The following TPCN1 variants were observed in gnomAD, a reference collection of about 807,000 sequenced individuals.
TPCN1 encodes two pore channel protein 1.
A neutral mutation model predicts 108.8 loss-of-function variants in TPCN1; 52 were observed. That is an observed-to-expected ratio of 0.48 (90% CI 0.38 to 0.60). The LOEUF (loss-of-function observed/expected upper bound fraction) is 0.60. Among genes scored for constraint, TPCN1 ranks in the 20% least tolerant of loss-of-function variants. TPCN1 has a pLI of 0.00. For missense variants in TPCN1, 806 were observed against 1,072.8 expected, an observed-to-expected ratio of 0.75 and a Z score of 3.47; for synonymous variants, 446 against 433.7, an observed-to-expected ratio of 1.03 and a Z score of -0.35.
At chr12:113,234,904 A>G (rs527392678) in intron 2 of TPCN1, among the ~76,000 whole-genome samples, 1 of 152,300 alleles carries the variant, frequency 6.6e-6, no homozygotes, top group South Asian at 2.1e-4. Context: ...CAACCAATTC[A>G]TATATGTCTT....
chr12:113,246,351 A>G (rs1954383026), intron 2 of TPCN1, among the ~76,000 whole-genome samples: 1 of 152,246 alleles, frequency 6.6e-6, no homozygotes, highest in Admixed American at 6.5e-5. Context: ...CTGTCTGCCC[A>G]GGGCACCAGA....
At chr12:113,293,391 T>G in intron 27 of TPCN1, 42 bp downstream of exon 27, 1 of 1,587,886 alleles carries the variant, frequency 6.3e-7, no homozygotes, top group Non-Finnish European at 8.6e-7. Flanking sequence ...TCCCCCAAGC[T>G]ATGTCCTGGG....
chr12:113,286,121 C>T (rs965581339), intron 18 of TPCN1, among the ~76,000 whole-genome samples, 160 bp downstream of exon 18: 1 of 152,176 alleles, frequency 6.6e-6, no homozygotes, highest in Non-Finnish European at 1.5e-5. Context: ...CTGCCCACAG[C>T]CCAGGAACTC....
In TPCN1 at chr12:113,290,252, GA is replaced by G; in HGVS notation, c.1912+14del. 1 of 1,564,136 alleles carries G rather than the reference GA, an allele frequency of 6.4e-7. No homozygotes were observed. Among genetic ancestry groups the G allele is most frequent in the Non-Finnish European group, 8.7e-7 (1 of 1,145,680 alleles). Reference sequence around the variant, plus strand: ...CATCCTCAACAGCTTTGGTGAGTGGGAAAAATCACAGGGGGCACATTCCCTG... The same window carrying G: ...CATCCTCAACAGCTTTGGTGAGTGGGAAAATCACAGGGGGCACATTCCCTG... On this transcript the variant is annotated intron_variant, in intron 22 of 27. Transcript: ENST00000335509.
Position 113,284,709 on chromosome 12 carries a change from G to GTCT in TPCN1, c.1400-7_1400-5dup, listed in dbSNP as rs1311530582. The GTCT allele has an allele frequency of 1.9e-6, 3 of 1,614,226 alleles. No individual in the cohort carries two copies. The highest frequency in any genetic ancestry group is 2.5e-6 in the Non-Finnish European group (3 of 1,180,032). Reference sequence around the variant, plus strand: ...CTTACCTGTGAGCTGCTACTTCTCTGTCTTACAGGTGGGAACTTCTTCTCC... The same window carrying GTCT: ...CTTACCTGTGAGCTGCTACTTCTCTGTCTTCTTACAGGTGGGAACTTCTTCTCC... On this transcript the variant is annotated splice_polypyrimidine_tract_variant and intron_variant, in intron 16 of 27. Transcript: ENST00000335509. This position sits in a 1 kb window ranked among gnomAD's most constrained non-coding sequence, Gnocchi z 4.1.
chr12:113,265,217 G>C (rs1400116352), intron 3 of TPCN1, among the ~76,000 whole-genome samples: 3 of 152,194 alleles, frequency 2.0e-5, no homozygotes, highest in Non-Finnish European at 4.4e-5. Flanking sequence ...TACGATAATA[G>C]CAAATACCTG....
At chr12:113,222,115 C>A (rs1566126254) in intron 1 of TPCN1, among the ~76,000 whole-genome samples, 1 of 152,158 alleles carries the variant, frequency 6.6e-6, no homozygotes, top group Admixed American at 6.5e-5. Flanking sequence ...ACGCAGGAGT[C>A]CCGGGTTCTA....
intron 4 of TPCN1, among the ~76,000 whole-genome samples, chr12:113,267,079 T>C (rs1007267750): frequency 3.9e-5 from 6 of 152,128 alleles, no homozygotes; most frequent in African/African-American, 7.2e-5. Context: ...TCCTGCCCAC[T>C]GGAATGTCCA....
At position 113,296,052 on chromosome 12, in the gene TPCN1, C is replaced by G; in HGVS notation, c.2427C>G (p.Arg809=). The change falls in exon 28 of 28, where the codon CGC becomes CGG. Residue 809 remains arginine (R), a synonymous_variant. Coordinates refer to ENST00000335509, the MANE Select transcript of TPCN1 (RefSeq NM_017901.6). Reference sequence around the variant, plus strand: ...CCGCCCAGCAGCCCCCAGGCAGCCGCCAGCGCTCCCAGACCGTTACCTAGC... The same window carrying G: ...CCGCCCAGCAGCCCCCAGGCAGCCGGCAGCGCTCCCAGACCGTTACCTAGC... The part of the protein sequence containing the change: ...APAAQQPPGS[R]QRSQTVT 6.2e-7 allele frequency: 1 copy of G among 1,613,268 alleles called. No homozygotes were observed. The highest frequency in any genetic ancestry group is 1.1e-5 in the South Asian group (1 of 91,040).
chr12:113,279,640 G>A (rs1021808162), intron 14 of TPCN1, among the ~76,000 whole-genome samples: 8 of 151,354 alleles, frequency 5.3e-5, no homozygotes, highest in Non-Finnish European at 7.4e-5. Flanking sequence ...TCCTGACCTC[G>A]TGATCCACCC....
At chr12:113,295,854 G>A (rs530603802) in intron 27 of TPCN1, 106 bp from the exon 28 acceptor site, 144 of 1,297,664 alleles carry the variant, frequency 1.1e-4, no homozygotes, top group Admixed American at 3.8e-4. Flanking sequence ...GAGGCTGGCA[G>A]CCCTGCCCCT....
chr12:113,231,134 G>T lies in TPCN1; in HGVS notation c.112+4170G>T, dbSNP rs1210348705. On this transcript the variant is annotated intron_variant, in intron 2 of 27. Transcript: ENST00000335509. The surrounding 1 kb of genome is among the most constrained non-coding windows in gnomAD (Gnocchi z 4.3). The stretch of plus-strand genomic sequence containing the variant: ...TAAGGCTGAGTCACCATCAAGCCTG[G>T]CCTTTGTTTTGGCCCAGCAGCCGCT... Among the ~76,000 whole-genome samples the T allele has an allele frequency of 1.3e-5, 2 of 152,238 alleles. No homozygotes were observed. Among genetic ancestry groups the T allele is most frequent in the Non-Finnish European group, 2.9e-5 (2 of 68,042 alleles).
At chr12:113,267,128 T>C (rs1232605430) in intron 4 of TPCN1, among the ~76,000 whole-genome samples, 2 of 152,186 alleles carry the variant, frequency 1.3e-5, no homozygotes, top group Non-Finnish European at 2.9e-5. Context: ...GGAGGAGCTC[T>C]CCTATGTCTG....
chr12:113,235,067 T>C (rs569472545), intron 2 of TPCN1, among the ~76,000 whole-genome samples: 1 of 152,372 alleles, frequency 6.6e-6, no homozygotes, highest in African/African-American at 2.4e-5. Flanking sequence ...CCCTTGAGGT[T>C]ATCTTCCTCT....
Position 113,297,524 on chromosome 12 carries a change from T to C in TPCN1, c.*1448T>C, listed in dbSNP as rs1177614129. 2 of 152,542 alleles carry C rather than the reference T, an allele frequency of 1.3e-5. No homozygotes were observed. Among genetic ancestry groups the C allele is most frequent in the African/African-American group, 2.4e-5 (1 of 41,386 alleles). The allele number at this position is 152,542 out of a possible 1,614,324, so 9.4% of individuals were successfully genotyped here. ...CACCCGACCCCAGGGGAGCAGTACC[T>C]GGTCCCCCACCCCCTCCTCCCAACC... On this transcript the variant is annotated 3_prime_UTR_variant, in exon 28 of 28. Transcript: ENST00000335509. The surrounding 1 kb of genome is among the most constrained non-coding windows in gnomAD (Gnocchi z 4.4).
chr12:113,278,487 C>T (rs1329708580), intron 13 of TPCN1, among the ~76,000 whole-genome samples: 5 of 152,196 alleles, frequency 3.3e-5, no homozygotes, highest in African/African-American at 9.7e-5. Flanking sequence ...TGACATCAGG[C>T]GGGTTACTGA....
intron 2 of TPCN1, among the ~76,000 whole-genome samples, chr12:113,255,753 C>T (rs764384363): frequency 6.6e-6 from 1 of 151,592 alleles, no homozygotes; most frequent in Non-Finnish European, 1.5e-5. Context: ...TGGTCTCGAA[C>T]TCCTAAGCTC....
chr12:113,226,473 G>A (rs988539791), intron 1 of TPCN1, among the ~76,000 whole-genome samples: 1 of 151,934 alleles, frequency 6.6e-6, no homozygotes, highest in African/African-American at 2.4e-5. Context: ...GTAGAGATGG[G>A]GTTTTGCTAT....
intron 4 of TPCN1, 25 bp from the exon 5 acceptor site, chr12:113,267,818 A>G (rs1955326108): frequency 6.4e-7 from 1 of 1,559,480 alleles, no homozygotes; most frequent in Admixed American, 1.7e-5. Context: ...TGGCCATGAC[A>G]CATCTCCACA....
Sources: gnomAD v4.1 joint callset for allele counts (sites outside exome capture counted in the v4.1 genomes callset) on GRCh38, gnomAD v4.1.1 for gene constraint, Gnocchi (gnomAD v3.1) non-coding constraint, MANE v1.5 for transcripts, NCBI Gene and HGNC (gene_info 2026-07-23, HGNC 2026-07-21) for gene names.